The following KCNH8 variants were observed in gnomAD, a reference collection of about 807,000 sequenced individuals.
KCNH8 encodes the protein potassium voltage-gated channel subfamily H member 8, also known as voltage-gated delayed rectifier potassium channel KCNH8.
In KCNH8, 70 loss-of-function variants were observed where a neutral mutation model predicts 103.6. The observed-to-expected ratio is 0.68, with a 90% confidence interval of 0.56 to 0.82. KCNH8 has a LOEUF of 0.82. Ranked by LOEUF, KCNH8 falls within the 40% of genes least tolerant of loss-of-function variation. The pLI is 0.00. For synonymous variants in KCNH8, 498 were observed against 489.4 expected (o/e 1.02, Z -0.23); for missense variants, 1,217 against 1,329.9 (o/e 0.92, Z 1.32).
chr3:19,228,310 C>T (rs1472826431), intron 1 of KCNH8, among the ~76,000 whole-genome samples: 1 of 152,126 alleles, frequency 6.6e-6, no homozygotes, highest in East Asian at 1.9e-4. Context: ...GCCTTCAGAG[C>T]CTAAAATATT....
At chr3:19,382,888 C>T (rs2066307127) in intron 5 of KCNH8, among the ~76,000 whole-genome samples, 1 of 152,110 alleles carries the variant, frequency 6.6e-6, no homozygotes, top group African/African-American at 2.4e-5. Context: ...GTACAATGGG[C>T]AGAGCCTTTG....
chr3:19,428,406 A>G lies in KCNH8; in HGVS notation c.1178-9758A>G, dbSNP rs116717614. On this transcript the variant is annotated intron_variant, in intron 7 of 15. Transcript: ENST00000328405. ...GTTGCAAGATCTTTGATTTCTGAGAATGATGCAATTGTGTACATTATTTTC... is the reference window on the plus strand; with the variant it reads ...GTTGCAAGATCTTTGATTTCTGAGAGTGATGCAATTGTGTACATTATTTTC... Among the ~76,000 whole-genome samples the G allele has an allele frequency of 3.0e-3, 461 of 152,336 alleles. 1 individual carries two copies. Among genetic ancestry groups the G allele is most frequent in the African/African-American group, 0.011 (437 of 41,576 alleles).
intron 1 of KCNH8, among the ~76,000 whole-genome samples, chr3:19,252,704 C>CA (rs753239659): frequency 4.2e-4 from 64 of 152,214 alleles, no homozygotes; most frequent in Non-Finnish European, 7.5e-4. Context: ...GCACTCTTAA[C>CA]AATAATTTTT....
chr3:19,489,500 C>T (rs943329538), intron 11 of KCNH8, among the ~76,000 whole-genome samples: 7 of 152,122 alleles, frequency 4.6e-5, no homozygotes, highest in Non-Finnish European at 1.0e-4. Flanking sequence ...TTGTGCCACA[C>T]TTTTGAGAGA....
chr3:19,359,356 G>A (rs1374464800), intron 5 of KCNH8, among the ~76,000 whole-genome samples: 1 of 146,506 alleles, frequency 6.8e-6, no homozygotes, highest in African/African-American at 2.6e-5. Flanking sequence ...ATATATGTGT[G>A]TTGTGTGTGC....
chr3:19,519,650 T>TAAAAC (rs2068937494), intron 15 of KCNH8, among the ~76,000 whole-genome samples: 1 of 150,954 alleles, frequency 6.6e-6, no homozygotes, highest in South Asian at 2.1e-4. Context: ...AACCTCTTGT[T>TAAAAC]AAAACAAAAA....
intron 15 of KCNH8, 58 bp from the exon 16 acceptor site, chr3:19,533,337 A>G (rs2069199568): frequency 3.0e-6 from 3 of 1,008,468 alleles, no homozygotes. Flanking sequence ...TTTCTCTGAA[A>G]TGTGGTCACT....
chr3:19,321,855 G>T (rs1213654449), intron 3 of KCNH8, among the ~76,000 whole-genome samples: 1 of 151,918 alleles, frequency 6.6e-6, no homozygotes, highest in Non-Finnish European at 1.5e-5. Flanking sequence ...ATAAATTTGG[G>T]AGCTCCAGCG....
intron 3 of KCNH8, among the ~76,000 whole-genome samples, chr3:19,301,440 T>C (rs576639884): frequency 4.0e-5 from 6 of 151,074 alleles, no homozygotes; most frequent in Admixed American, 3.3e-4. Context: ...ATTAGAAATA[T>C]AAAGAAAAAT....
chr3:19,180,936 A>G (rs2063446600), intron 1 of KCNH8, among the ~76,000 whole-genome samples: 1 of 152,132 alleles, frequency 6.6e-6, no homozygotes, highest in African/African-American at 2.4e-5. Flanking sequence ...TAAAATAGAA[A>G]TTAAATTCTT....
chr3:19,470,272 C>T (rs555918401), intron 11 of KCNH8, among the ~76,000 whole-genome samples: 2 of 152,260 alleles, frequency 1.3e-5, no homozygotes, highest in South Asian at 4.1e-4. Context: ...AACACATGCA[C>T]ACATACCACA....
chr3:19,384,510 G>A (rs548603736), intron 5 of KCNH8, among the ~76,000 whole-genome samples: 1 of 152,216 alleles, frequency 6.6e-6, no homozygotes, highest in African/African-American at 2.4e-5. Context: ...CTTTAAGTTG[G>A]CAAAAGTTCA....
At chr3:19,421,787 T>C (rs1015854581) in intron 7 of KCNH8, among the ~76,000 whole-genome samples, 1 of 152,008 alleles carries the variant, frequency 6.6e-6, no homozygotes, top group Non-Finnish European at 1.5e-5. Context: ...TTGTTAATTT[T>C]ATTTTTTATT....
Position 19,237,824 on chromosome 3 carries a change from T to C in KCNH8, c.77-15830T>C, listed in dbSNP as rs535919860. On this transcript the variant is annotated intron_variant, in intron 1 of 15. Coordinates refer to ENST00000328405, the MANE Select transcript of KCNH8 (RefSeq NM_144633.3). The stretch of plus-strand genomic sequence containing the variant: ...GCACAAACGTGTGTATGTCTTTTGT[T>C]TCAAAGCAATTTTTATCCAAATTAC... Among the ~76,000 whole-genome samples, 3 of 152,322 alleles carry C rather than the reference T, an allele frequency of 2.0e-5. No homozygotes were observed. The South Asian group carries it at 6.2e-4, about 32-fold the overall frequency.
chr3:19,221,737 GTTA>G (rs955423377), intron 1 of KCNH8, among the ~76,000 whole-genome samples: 2 of 151,570 alleles, frequency 1.3e-5, no homozygotes, highest in African/African-American at 4.8e-5. Flanking sequence ...TTTGGTGGTT[GTTA>G]TTAGTAATTT....
At chr3:19,446,042 A>T (rs1559331269) in intron 8 of KCNH8, among the ~76,000 whole-genome samples, 1 of 152,080 alleles carries the variant, frequency 6.6e-6, no homozygotes, top group Non-Finnish European at 1.5e-5. Context: ...ACTGGAAAAC[A>T]AAGAGAAAAA....
At chr3:19,165,701 A>G (rs2063276436) in intron 1 of KCNH8, among the ~76,000 whole-genome samples, 1 of 152,170 alleles carries the variant, frequency 6.6e-6, no homozygotes, top group Admixed American at 6.5e-5. Flanking sequence ...AAGCATAAAA[A>G]CTACAGACTT....
intron 8 of KCNH8, chr3:19,449,059 A>G: frequency 1.3e-5 from 11 of 853,248 alleles, no homozygotes; most frequent in Non-Finnish European, 1.5e-5. Context: ...TGATACCTAG[A>G]TGCTTCCCAA....
chr3:19,507,277 A>T (rs1196765484), intron 11 of KCNH8, among the ~76,000 whole-genome samples: 1 of 152,128 alleles, frequency 6.6e-6, no homozygotes, highest in Non-Finnish European at 1.5e-5. Context: ...CTGCTGTGGC[A>T]ATGACGGAGA....
Sources: gnomAD v4.1 joint callset for allele counts (sites outside exome capture counted in the v4.1 genomes callset) on GRCh38, gnomAD v4.1.1 for gene constraint, MANE v1.5 for transcripts, NCBI Gene and HGNC (gene_info 2026-07-23, HGNC 2026-07-21) for gene names.